FLI1: variants seen among roughly 807,000 people sequenced by gnomAD.
FLI1 encodes the protein Fli-1 proto-oncogene, ETS transcription factor, also known as Friend leukemia integration 1 transcription factor.
FLI1 carries 13 observed loss-of-function variants against 53.1 expected under a neutral mutation model. The ratio of observed to expected loss-of-function variants is 0.24; its 90% CI spans 0.16 to 0.39. The LOEUF is 0.39. Among genes scored for constraint, FLI1 ranks in the 10% least tolerant of loss-of-function variants. The pLI is 1.00. For missense variants in FLI1, 424 were observed against 600.5 expected (o/e 0.71, Z 3.07); for synonymous variants, 244 against 236.7 (o/e 1.03, Z -0.28).
At chr11:128,785,299 A>G (rs1013862105) in intron 5 of FLI1, among the ~76,000 whole-genome samples, 1 of 152,100 alleles carries the variant, frequency 6.6e-6, no homozygotes, top group Non-Finnish European at 1.5e-5. Context: ...GTTTTGGAAT[A>G]TATCAGACAC....
At chr11:128,781,215 G>T (rs910939575) in intron 4 of FLI1, among the ~76,000 whole-genome samples, 1 of 152,122 alleles carries the variant, frequency 6.6e-6, no homozygotes. Context: ...GTTCCTATTG[G>T]AATACTACCA....
At chr11:128,737,841 G>A (rs1162702142) in intron 1 of FLI1, among the ~76,000 whole-genome samples, 2 of 152,168 alleles carry the variant, frequency 1.3e-5, no homozygotes, top group African/African-American at 4.8e-5. Flanking sequence ...CGGAGCTTAT[G>A]ATATATAACA....
intron 4 of FLI1, among the ~76,000 whole-genome samples, chr11:128,776,804 C>T (rs1312281537): frequency 6.6e-6 from 1 of 152,172 alleles, no homozygotes; most frequent in African/African-American, 2.4e-5. Flanking sequence ...TCTGGAGTCC[C>T]AGTCCCTGGC....
chr11:128,691,224 G>A (rs1937726390), upstream of FLI1, among the ~76,000 whole-genome samples: 1 of 152,214 alleles, frequency 6.6e-6, no homozygotes, highest in South Asian at 2.1e-4. Flanking sequence ...ATGTCTGGTG[G>A]TAACCACATT....
chr11:128,789,471 G>C (rs1048166638), intron 5 of FLI1, among the ~76,000 whole-genome samples: 1 of 152,218 alleles, frequency 6.6e-6, no homozygotes, highest in African/African-American at 2.4e-5. Flanking sequence ...TTAAAGCAGG[G>C]TGATGGGGCC....
At chr11:128,793,024 G>A (rs1942322941) in intron 5 of FLI1, among the ~76,000 whole-genome samples, 1 of 152,060 alleles carries the variant, frequency 6.6e-6, no homozygotes, top group Admixed American at 6.6e-5. Flanking sequence ...AGGCTCAGGT[G>A]GGAGTATTGC....
At chr11:128,686,479 C>A (rs1242374891), upstream of FLI1, 1 of 456,544 alleles carries the variant, frequency 2.2e-6, no homozygotes, top group South Asian at 1.5e-5. Context: ...GCTCAACACC[C>A]AACCACTCGG....
intron 5 of FLI1, chr11:128,803,896 A>G (rs1702466978): frequency 2.0e-5 from 3 of 152,214 alleles, no homozygotes; most frequent in Admixed American, 2.0e-4. Flanking sequence ...AGCAAGAAGA[A>G]TCCCTTTAGA....
rs540788732 is a variant in FLI1, at chr11:128,771,122, A to G, written c.386-1660A>G. ...TTAAGACTCCATTTTGCATCTGTAA[A>G]ATGGGGATATTAAAAGATTTCCTTG... On this transcript the variant is annotated intron_variant, in intron 3 of 8. Coordinates refer to ENST00000527786, the MANE Select transcript of FLI1 (RefSeq NM_002017.5). Among the ~76,000 whole-genome samples the G allele has an allele frequency of 2.3e-3, 357 of 152,342 alleles. 4 individuals are homozygous for G. The highest frequency in any genetic ancestry group is 6.8e-3 in the Middle Eastern group (2 of 294).
At chr11:128,699,667 G>C (rs1938238328) in intron 1 of FLI1, among the ~76,000 whole-genome samples, 1 of 152,164 alleles carries the variant, frequency 6.6e-6, no homozygotes, top group African/African-American at 2.4e-5. Context: ...ATCATTAAGT[G>C]ATGTCACTCT....
At chr11:128,709,661 C>T (rs1022336571) in intron 1 of FLI1, among the ~76,000 whole-genome samples, 5 of 152,180 alleles carry the variant, frequency 3.3e-5, no homozygotes, top group African/African-American at 1.2e-4. Flanking sequence ...TTGTGTCAAA[C>T]AGAAAACACC....
At chr11:128,724,165 G>A (rs760735620) in intron 1 of FLI1, among the ~76,000 whole-genome samples, 12 of 152,126 alleles carry the variant, frequency 7.9e-5, no homozygotes, top group East Asian at 1.9e-4. Context: ...GGCTGGTCTC[G>A]AACTCTTTAC....
At chr11:128,802,198 T>A (rs1259059559) in intron 5 of FLI1, among the ~76,000 whole-genome samples, 1 of 152,224 alleles carries the variant, frequency 6.6e-6, no homozygotes, top group Non-Finnish European at 1.5e-5. Context: ...AAGACTTTAG[T>A]TCTTGGCCTT....
intron 1 of FLI1, among the ~76,000 whole-genome samples, chr11:128,703,407 C>T (rs1298225908): frequency 6.6e-6 from 1 of 152,110 alleles, no homozygotes; most frequent in East Asian, 1.9e-4. Flanking sequence ...AAATGTCCAC[C>T]AGTAGGGGAC....
chr11:128,788,802 T>C (rs1233078586), intron 5 of FLI1, among the ~76,000 whole-genome samples: 1 of 152,170 alleles, frequency 6.6e-6, no homozygotes, highest in African/African-American at 2.4e-5. Flanking sequence ...TGATTCATGC[T>C]CTCCTCCATT....
chr11:128,752,750 A>G (rs1469908010), intron 1 of FLI1, among the ~76,000 whole-genome samples: 1 of 152,254 alleles, frequency 6.6e-6, no homozygotes, highest in Non-Finnish European at 1.5e-5. Context: ...GGATTAAATT[A>G]GGTTACTCAT....
intron 5 of FLI1, 91 bp from the exon 6 acceptor site, chr11:128,805,275 T>G: frequency 1.4e-6 from 1 of 717,882 alleles, no homozygotes; most frequent in Non-Finnish European, 2.3e-6. Context: ...GAATTGAATT[T>G]TATTTCTCCT....
upstream of FLI1, chr11:128,686,395 G>A (rs1305470669): frequency 1.3e-5 from 6 of 456,164 alleles, no homozygotes; most frequent in Admixed American, 1.4e-4. Context: ...GAGACCCAAT[G>A]GTGTGAGGTG....
At chr11:128,796,622 T>G (rs1942452016) in intron 5 of FLI1, among the ~76,000 whole-genome samples, 1 of 152,224 alleles carries the variant, frequency 6.6e-6, no homozygotes. Flanking sequence ...CTGTCTGATG[T>G]GTGGATGCAC....
Sources: allele counts gnomAD v4.1 joint callset (sites outside exome capture counted in the v4.1 genomes callset), GRCh38; gene constraint gnomAD v4.1.1; transcripts MANE v1.5; gene names NCBI Gene and HGNC (gene_info 2026-07-23, HGNC 2026-07-21).